Variants in EXT2 observed in about 807,000 individuals in gnomAD.
EXT2 encodes exostosin glycosyltransferase 2.
In EXT2, 53 loss-of-function variants were observed where a neutral mutation model predicts 81.6. The observed-to-expected ratio is 0.65, with a 90% confidence interval of 0.52 to 0.82. The LOEUF is 0.82. Among genes scored for constraint, EXT2 ranks in the 40% least tolerant of loss-of-function variants. EXT2 has a pLI of 0.00. For missense variants in EXT2, 774 were observed against 910.2 expected (o/e 0.85, Z 1.93); for synonymous variants, 320 against 340.0 (o/e 0.94, Z 0.65).
At chr11:44,109,531 T>TAAC (rs1445551782) in intron 3 of EXT2, among the ~76,000 whole-genome samples, 9 of 152,354 alleles carry the variant, frequency 5.9e-5, no homozygotes, top group African/African-American at 2.2e-4. Flanking sequence ...CTTCTGAGTG[T>TAAC]AACACATCCA....
intron 10 of EXT2, among the ~76,000 whole-genome samples, chr11:44,210,721 G>T (rs1199646710): frequency 2.0e-5 from 3 of 152,118 alleles, no homozygotes; most frequent in African/African-American, 7.2e-5. Context: ...TCTAGCAGTA[G>T]CATAAAAACT....
chr11:44,168,274 A>C (rs1291477418), intron 7 of EXT2, among the ~76,000 whole-genome samples: 1 of 152,206 alleles, frequency 6.6e-6, no homozygotes, highest in Non-Finnish European at 1.5e-5. Flanking sequence ...CCAGAAGAAA[A>C]GTTAGTAGAA....
At chr11:44,121,633 G>A (rs1021017821) in intron 4 of EXT2, among the ~76,000 whole-genome samples, 1 of 136,592 alleles carries the variant, frequency 7.3e-6, no homozygotes, top group African/African-American at 2.8e-5. Context: ...CTCAGACTCT[G>A]ACCCCCTACA....
chr11:44,138,253 C>G (rs754238151), intron 7 of EXT2, among the ~76,000 whole-genome samples: 1 of 152,034 alleles, frequency 6.6e-6, no homozygotes, highest in Non-Finnish European at 1.5e-5. Context: ...ATTTGTGAGG[C>G]AAGGAGAAAG....
intron 10 of EXT2, among the ~76,000 whole-genome samples, chr11:44,222,716 G>A (rs1955795026): frequency 6.6e-6 from 1 of 151,816 alleles, no homozygotes; most frequent in African/African-American, 2.4e-5. Flanking sequence ...AGACTCTAGG[G>A]CTAGGCAAAG....
At chr11:44,228,141 A>T (rs1306339886) in intron 10 of EXT2, among the ~76,000 whole-genome samples, 2 of 152,312 alleles carry the variant, frequency 1.3e-5, no homozygotes, top group Non-Finnish European at 2.9e-5. Flanking sequence ...TATAACAGAG[A>T]TAGGCTTCTG....
chr11:44,106,186 T>C (rs1277541795), intron 1 of EXT2, among the ~76,000 whole-genome samples: 1 of 152,222 alleles, frequency 6.6e-6, no homozygotes, highest in Non-Finnish European at 1.5e-5. Flanking sequence ...GGAAGGGACA[T>C]GGATTCTACA....
intron 7 of EXT2, among the ~76,000 whole-genome samples, chr11:44,157,131 C>T (rs1954865892): frequency 6.6e-6 from 1 of 152,224 alleles, no homozygotes; most frequent in African/African-American, 2.4e-5. Flanking sequence ...GAATGGGTGA[C>T]ACAGGCAGTC....
intron 7 of EXT2, among the ~76,000 whole-genome samples, chr11:44,168,435 A>G (rs1955025303): frequency 6.6e-6 from 1 of 152,218 alleles, no homozygotes; most frequent in Non-Finnish European, 1.5e-5. Context: ...TATTTAAGAA[A>G]TATTGTCCGA....
At chr11:44,235,621 T>C (rs1350236168) in intron 12 of EXT2, among the ~76,000 whole-genome samples, 1 of 152,190 alleles carries the variant, frequency 6.6e-6, no homozygotes, top group Non-Finnish European at 1.5e-5. Context: ...GCCCAGTGTC[T>C]CTATGCTTCT....
At chr11:44,210,888 C>CAAATTGTATAGATTCAAAACA (rs1451747288) in intron 10 of EXT2, among the ~76,000 whole-genome samples, 1 of 152,108 alleles carries the variant, frequency 6.6e-6, no homozygotes, top group Non-Finnish European at 1.5e-5. Context: ...AAATTCTTCC[C>CAAATTGTATAGATTCAAAACA]AAATTGTATA....
intron 10 of EXT2, among the ~76,000 whole-genome samples, chr11:44,226,719 A>G (rs946231190): frequency 1.3e-5 from 2 of 152,240 alleles, no homozygotes; most frequent in African/African-American, 4.8e-5. Flanking sequence ...TGCAAGACGA[A>G]GCCTGAAGGG....
At chr11:44,100,290 T>A (rs1953963155) in intron 1 of EXT2, among the ~76,000 whole-genome samples, 1 of 152,194 alleles carries the variant, frequency 6.6e-6, no homozygotes, top group Non-Finnish European at 1.5e-5. Context: ...TAGAAGTGGC[T>A]CTAGAAAGCA....
chr11:44,098,767 G>A (rs1182995018), intron 1 of EXT2, among the ~76,000 whole-genome samples: 1 of 151,430 alleles, frequency 6.6e-6, no homozygotes, highest in Admixed American at 6.6e-5. Context: ...ATGGTGGGTG[G>A]TGGGAGAGGA....
intron 11 of EXT2, among the ~76,000 whole-genome samples, chr11:44,233,748 C>G (rs527964101): frequency 6.6e-6 from 1 of 151,972 alleles, no homozygotes; most frequent in South Asian, 2.1e-4. Context: ...TTGTAATAAG[C>G]AAACAAAAAA....
Position 44,236,315 on chromosome 11 carries a change from A to G in EXT2, c.1958A>G (p.Lys653Arg), listed in dbSNP as rs372942692. 5 of 1,614,040 alleles carry G rather than the reference A, an allele frequency of 3.1e-6. No homozygotes were observed. The highest frequency in any genetic ancestry group is 1.3e-5 in the African/African-American group (1 of 74,942). The stretch of plus-strand genomic sequence containing the variant: ...CAGGTAACCCCACGAAAGAAATTCA[A>G]GTGTCCTGAGTGCACAGCCATAGAT... The part of the protein sequence containing the change: ...VIKVTPRKKF[K>R]CPECTAIDGL... The change falls in exon 13 of 14, where the codon AAG (lysine) becomes AGG (arginine). Residue 653 changes from lysine to arginine, a missense_variant. Lys to Arg is a conservative substitution (Grantham distance 26). This residue lies in a region of EXT2 where 148 missense variants were observed against 239.7 expected (regional missense o/e 0.62). Transcript: ENST00000533608.
intron 7 of EXT2, among the ~76,000 whole-genome samples, chr11:44,134,187 G>A (rs1200552216): frequency 6.6e-6 from 1 of 152,194 alleles, no homozygotes. Flanking sequence ...GAAGACAGTA[G>A]TTGTAACAGT....
chr11:44,210,730 C>G (rs996520149), intron 10 of EXT2, among the ~76,000 whole-genome samples: 3 of 152,072 alleles, frequency 2.0e-5, no homozygotes, highest in Non-Finnish European at 4.4e-5. Context: ...AGCATAAAAA[C>G]TGAAATACTT....
intron 10 of EXT2, among the ~76,000 whole-genome samples, chr11:44,224,533 A>T (rs944103656): frequency 6.6e-6 from 1 of 152,160 alleles, no homozygotes; most frequent in African/African-American, 2.4e-5. Flanking sequence ...ATAAATAAGT[A>T]ATCTGAAAAA....
Sources: gnomAD v4.1 joint callset for allele counts (sites outside exome capture counted in the v4.1 genomes callset) on GRCh38, gnomAD v4.1.1 for gene constraint, gnomAD v4.1.1 regional missense constraint, MANE v1.5 for transcripts, NCBI Gene and HGNC (gene_info 2026-07-23, HGNC 2026-07-21) for gene names.